ROR2: variants seen among roughly 807,000 people sequenced by gnomAD.
ROR2 encodes tyrosine-protein kinase transmembrane receptor ROR2.
Under a neutral mutation model 74.9 loss-of-function variants are expected in ROR2, and 33 were observed. The ratio of observed to expected loss-of-function variants is 0.44; its 90% CI spans 0.33 to 0.59. ROR2 has a LOEUF of 0.59. ROR2 is among the 20% of genes least tolerant of loss of function. ROR2 has a pLI of 0.02. For synonymous variants in ROR2, 586 were observed against 558.7 expected, an observed-to-expected ratio of 1.05 and a Z score of -0.69; for missense variants, 1,216 against 1,313.8, an observed-to-expected ratio of 0.93 and a Z score of 1.15.
intron 1 of ROR2, among the ~76,000 whole-genome samples, chr9:91,847,699 A>G (rs771178838): frequency 1.3e-5 from 2 of 152,008 alleles, no homozygotes; most frequent in Non-Finnish European, 2.9e-5. Context: ...CTGAGAATGA[A>G]CCCCACTCCC....
intron 1 of ROR2, among the ~76,000 whole-genome samples, chr9:91,888,359 A>G (rs1374364195): frequency 1.3e-5 from 2 of 152,184 alleles, no homozygotes; most frequent in South Asian, 2.1e-4. Flanking sequence ...CCACTGCTCA[A>G]TGGGAAGCAA....
At position 91,899,158 on chromosome 9, in the gene ROR2, C is replaced by T. The variant is rs532714697; in HGVS notation, c.97+50709G>A. ...CTCTGTCCTCCAGAAACACATGGAC[C>T]GGAAAGGGCCCCCAGGGGGTGCGGG... On this transcript the variant is annotated intron_variant, in intron 1 of 8. Transcript: ENST00000375708. 5.3e-5 allele frequency among the ~76,000 whole-genome samples: 8 copies of T among 152,312 alleles called. No individual in the cohort carries two copies. In the East Asian group the frequency reaches 5.8e-4, roughly 11 times the overall value.
At chr9:91,899,040 C>T (rs1254347222) in intron 1 of ROR2, among the ~76,000 whole-genome samples, 1 of 152,188 alleles carries the variant, frequency 6.6e-6, no homozygotes, top group East Asian at 1.9e-4. Flanking sequence ...GAAATGGCAG[C>T]CCGCTTCAGC....
At chr9:91,800,225 C>G (rs796524476) in intron 1 of ROR2, among the ~76,000 whole-genome samples, 10 of 152,060 alleles carry the variant, frequency 6.6e-5, no homozygotes, top group African/African-American at 1.9e-4. Flanking sequence ...GCCTATAATC[C>G]CAGCTACTCA....
At chr9:91,767,168 T>C (rs1194534615) in intron 2 of ROR2, among the ~76,000 whole-genome samples, 2 of 151,818 alleles carry the variant, frequency 1.3e-5, no homozygotes. Flanking sequence ...TTCAACTCCC[T>C]GGTTCAAACA....
chr9:91,781,360 C>T (rs1179887060), intron 1 of ROR2, among the ~76,000 whole-genome samples: 1 of 152,212 alleles, frequency 6.6e-6, no homozygotes, highest in African/African-American at 2.4e-5. Context: ...GTGCAAATGT[C>T]ACTCATGTGT....
At chr9:91,830,697 G>A (rs1194547814) in intron 1 of ROR2, among the ~76,000 whole-genome samples, 1 of 151,678 alleles carries the variant, frequency 6.6e-6, no homozygotes, top group Non-Finnish European at 1.5e-5. Flanking sequence ...AAAAAGATAA[G>A]AAAGAATTAT....
At chr9:91,776,429 A>G (rs1020390515) in intron 1 of ROR2, among the ~76,000 whole-genome samples, 1 of 152,206 alleles carries the variant, frequency 6.6e-6, no homozygotes, top group African/African-American at 2.4e-5. Context: ...TAAAATGTCC[A>G]TGACCAGCCA....
At chr9:91,785,701 T>G (rs574582135) in intron 1 of ROR2, among the ~76,000 whole-genome samples, 1 of 152,108 alleles carries the variant, frequency 6.6e-6, no homozygotes, top group Non-Finnish European at 1.5e-5. Flanking sequence ...AGTGTCACAG[T>G]TCAGAGCCCC....
chr9:91,901,201 A>C (rs1448936441), intron 1 of ROR2, among the ~76,000 whole-genome samples: 1 of 152,254 alleles, frequency 6.6e-6, no homozygotes, highest in Non-Finnish European at 1.5e-5. Context: ...GTTACATGGT[A>C]TGTATAACAC....
chr9:91,789,821 G>C (rs115224364), intron 1 of ROR2, among the ~76,000 whole-genome samples: 4 of 152,066 alleles, frequency 2.6e-5, no homozygotes, highest in Non-Finnish European at 5.9e-5. Context: ...GAAGTAAAGC[G>C]TACCATATTG....
intron 1 of ROR2, among the ~76,000 whole-genome samples, chr9:91,843,823 C>G (rs1681432510): frequency 6.6e-6 from 1 of 152,226 alleles, no homozygotes; most frequent in African/African-American, 2.4e-5. Flanking sequence ...AATGAGTGAC[C>G]TCGTTTAGTT....
chr9:91,778,714 A>AC (rs1230122112), intron 1 of ROR2, among the ~76,000 whole-genome samples: 3 of 152,196 alleles, frequency 2.0e-5, no homozygotes, highest in African/African-American at 7.2e-5. Context: ...AGTGTGCCCT[A>AC]CATGACCATC....
chr9:91,768,070 G>A lies in ROR2; in HGVS notation c.175+7671C>T, dbSNP rs548108151. On this transcript the variant is annotated intron_variant, in intron 2 of 8. Coordinates refer to ENST00000375708, the MANE Select transcript of ROR2 (RefSeq NM_004560.4). ...GAAGAAAGAGCAGAGATGGAGTGATGCCGCCACAGCCACAGAGCACCATGG... is the reference window on the plus strand; with the variant it reads ...GAAGAAAGAGCAGAGATGGAGTGATACCGCCACAGCCACAGAGCACCATGG... 3.3e-5 allele frequency among the ~76,000 whole-genome samples: 5 copies of A among 152,316 alleles called. No homozygotes were observed. In the East Asian group the frequency reaches 9.7e-4, roughly 29 times the overall value.
At position 91,733,480 on chromosome 9, in the gene ROR2, C is replaced by T. The variant is rs758540886; in HGVS notation, c.623-44G>A. On this transcript the variant is annotated intron_variant, in intron 5 of 8. Coordinates refer to ENST00000375708, the MANE Select transcript of ROR2 (RefSeq NM_004560.4). The surrounding 1 kb of genome is among the most constrained non-coding windows in gnomAD (Gnocchi z 5.7). ...TCGCGTTAGCGGGGGACCCACCTTGCGCCCTTGACATTCATCCAGTCCCCA... is the reference window on the plus strand; with the variant it reads ...TCGCGTTAGCGGGGGACCCACCTTGTGCCCTTGACATTCATCCAGTCCCCA... The T allele has an allele frequency of 8.2e-6, 13 of 1,577,140 alleles. No homozygotes were observed. In the African/African-American group the frequency reaches 1.2e-4, roughly 15 times the overall value.
rs964948818 is a variant in ROR2 at position 91,722,804 on chromosome 9, A to G, written c.*858T>C. 2 of 586,160 alleles carry G rather than the reference A, an allele frequency of 3.4e-6. No individual in the cohort carries two copies. The highest frequency in any genetic ancestry group is 2.8e-5 in the East Asian group (1 of 35,714). The allele number at this position is 586,160 out of a possible 1,614,324, so 36.3% of individuals were successfully genotyped here. A position where few individuals can be genotyped will look rare whatever the true frequency, so the allele number is the denominator to read the frequency against. On this transcript the variant is annotated 3_prime_UTR_variant, in exon 9 of 9. Transcript: ENST00000375708. Reference sequence around the variant, plus strand: ...GGGTAACATAAACAGTTAAATTACTAAAGTCATCTTAAGACCAAAATACTT... The same window carrying G: ...GGGTAACATAAACAGTTAAATTACTGAAGTCATCTTAAGACCAAAATACTT...
At chr9:91,766,963 A>G (rs1826075051) in intron 2 of ROR2, among the ~76,000 whole-genome samples, 1 of 152,244 alleles carries the variant, frequency 6.6e-6, no homozygotes. Flanking sequence ...CTCTCTGTGC[A>G]CTGCAAATCT....
At chr9:91,896,094 A>T (rs920395604) in intron 1 of ROR2, among the ~76,000 whole-genome samples, 1 of 152,254 alleles carries the variant, frequency 6.6e-6, no homozygotes, top group East Asian at 1.9e-4. Flanking sequence ...TGTTGCAAAA[A>T]AGGATGAAAT....
At chr9:91,764,873 C>G (rs1158681103) in intron 2 of ROR2, among the ~76,000 whole-genome samples, 1 of 152,196 alleles carries the variant, frequency 6.6e-6, no homozygotes. Context: ...TGAGGCAATA[C>G]TGTCCTCTGG....
Sources: gnomAD v4.1 joint callset for allele counts (sites outside exome capture counted in the v4.1 genomes callset) on GRCh38, gnomAD v4.1.1 for gene constraint, Gnocchi (gnomAD v3.1) non-coding constraint, MANE v1.5 for transcripts, NCBI Gene and HGNC (gene_info 2026-07-23, HGNC 2026-07-21) for gene names.